The following EFHC1 variants were observed in gnomAD, a reference collection of about 807,000 sequenced individuals.
EFHC1 encodes EF-hand domain containing 1.
EFHC1 carries 53 observed loss-of-function variants against 69.9 expected under a neutral mutation model. That is an observed-to-expected ratio of 0.76 (90% CI 0.61 to 0.95). The LOEUF is 0.95. Among genes scored for constraint, EFHC1 ranks in the 40% least tolerant of loss-of-function variants. EFHC1 has a pLI of 0.00. For missense variants in EFHC1, 739 were observed against 798.7 expected (o/e 0.93, Z 0.90); for synonymous variants, 256 against 278.4 (o/e 0.92, Z 0.80).
At chr6:52,438,855 TA>T (rs1184881213) in intron 3 of EFHC1, among the ~76,000 whole-genome samples, 2 of 152,178 alleles carry the variant, frequency 1.3e-5, no homozygotes, top group Non-Finnish European at 2.9e-5. Flanking sequence ...GAAACCAGGT[TA>T]AAATGGCAGT....
intron 7 of EFHC1, among the ~76,000 whole-genome samples, chr6:52,469,721 C>T (rs1013688315): frequency 6.6e-6 from 1 of 152,196 alleles, no homozygotes; most frequent in African/African-American, 2.4e-5. Context: ...CTCACTCTTA[C>T]ACCTCAAATG....
At chr6:52,464,567 A>AG (rs1765252329) in intron 5 of EFHC1, among the ~76,000 whole-genome samples, 2 of 152,206 alleles carry the variant, frequency 1.3e-5, no homozygotes, top group Non-Finnish European at 2.9e-5. Flanking sequence ...TAGACCTAGG[A>AG]CTTTATACTT....
chr6:52,475,294 A>G (rs559153427), intron 7 of EFHC1, among the ~76,000 whole-genome samples: 1 of 152,198 alleles, frequency 6.6e-6, no homozygotes, highest in Non-Finnish European at 1.5e-5. Context: ...AAGAAAATAT[A>G]TGGAAATTCA....
rs1765613987 is a variant in EFHC1, at chr6:52,479,190, A to G, written c.1432A>G (p.Thr478Ala). 1.2e-6 allele frequency: 2 copies of G among 1,614,122 alleles called. No individual in the cohort carries two copies. Among genetic ancestry groups the G allele is most frequent in the Admixed American group, 1.7e-5 (1 of 60,020 alleles). The change falls in exon 8 of 11, where the codon ACA (threonine) becomes GCA (alanine). Residue 478 changes from threonine to alanine, a missense_variant. By Grantham distance (58) the Thr-to-Ala change is moderately conservative. Transcript: ENST00000371068. ...GRTKVVKPYSTVDNPVYYGPS... is the reference protein window; with the variant it reads ...GRTKVVKPYSAVDNPVYYGPS... Reference sequence around the variant, plus strand: ...GACTAAAGTTGTTAAACCATACTCTACAGTGGACAACCCTGTCTACTATGG... The same window carrying G: ...GACTAAAGTTGTTAAACCATACTCTGCAGTGGACAACCCTGTCTACTATGG...
intron 2 of EFHC1, among the ~76,000 whole-genome samples, chr6:52,436,804 G>C (rs918996637): frequency 6.6e-6 from 1 of 152,050 alleles, no homozygotes; most frequent in African/African-American, 2.4e-5. Flanking sequence ...ACCAAGCCTG[G>C]CTAATTTTTG....
chr6:52,481,504 A>ATCTCTCTCTCTCTCTCTCTC (rs60540358), intron 9 of EFHC1: 24 of 143,658 alleles, frequency 1.7e-4, no homozygotes, highest in East Asian at 1.2e-3. Flanking sequence ...AGACTGCATG[A>ATCTCTCTCTCTCTCTCTCTC]TCTCTCTCTC....
intron 5 of EFHC1, among the ~76,000 whole-genome samples, chr6:52,459,108 C>CT (rs1379281502): frequency 6.6e-6 from 1 of 152,188 alleles, no homozygotes; most frequent in Non-Finnish European, 1.5e-5. Context: ...GAAGAACTAC[C>CT]TATCAGGTAC....
chr6:52,457,464 C>G (rs1485095837), intron 5 of EFHC1, among the ~76,000 whole-genome samples: 1 of 152,046 alleles, frequency 6.6e-6, no homozygotes, highest in Non-Finnish European at 1.5e-5. Context: ...GGTGGCTAGG[C>G]AGAGAGTTTG....
intron 6 of EFHC1, 147 bp downstream of exon 6, chr6:52,465,262 A>G (rs1765277519): frequency 1.4e-6 from 1 of 707,350 alleles, no homozygotes; most frequent in African/African-American, 1.8e-5. Context: ...AATACAAATG[A>G]CAAAAAAATT....
Position 52,495,873 on chromosome 6 carries a change from A to G in EFHC1, c.*3532A>G, listed in dbSNP as rs1182827714. ...ATCTGACAGCACCAACACAAGGTAT[A>G]AAAGAGATTTCATGAAAGACCAAAG... On this transcript the variant is annotated 3_prime_UTR_variant, in exon 11 of 11. Coordinates refer to ENST00000371068, the MANE Select transcript of EFHC1 (RefSeq NM_018100.4). 2 of 313,658 alleles carry G rather than the reference A, an allele frequency of 6.4e-6. No homozygotes were observed. Among genetic ancestry groups the G allele is most frequent in the Non-Finnish European group, 1.2e-5 (2 of 160,900 alleles). The allele number at this position is 313,658 out of a possible 1,614,324, so 19.4% of individuals were successfully genotyped here.
intron 9 of EFHC1, chr6:52,487,983 A>G (rs1765821549): frequency 6.6e-6 from 1 of 152,264 alleles, no homozygotes; most frequent in Admixed American, 6.5e-5. Context: ...TTCCTTAAAC[A>G]GTACCACCTA....
intron 3 of EFHC1, among the ~76,000 whole-genome samples, chr6:52,444,253 C>T (rs574549312): frequency 8.7e-4 from 132 of 152,184 alleles, no homozygotes; most frequent in Middle Eastern, 3.2e-3. Context: ...ATTTGACTTC[C>T]TCTTTTCCTA....
At chr6:52,485,673 C>G (rs991407833) in intron 9 of EFHC1, 5 of 152,182 alleles carry the variant, frequency 3.3e-5, no homozygotes, top group African/African-American at 1.2e-4. Context: ...CTGGCACCAC[C>G]TACTCTCTCT....
intron 7 of EFHC1, among the ~76,000 whole-genome samples, chr6:52,477,178 A>G (rs1354099672): frequency 6.6e-6 from 1 of 152,012 alleles, no homozygotes; most frequent in African/African-American, 2.4e-5. Context: ...AATTCTTTGA[A>G]GGTTTGAGAG....
intron 3 of EFHC1, among the ~76,000 whole-genome samples, chr6:52,451,752 C>T (rs1273266184): frequency 6.6e-6 from 1 of 152,208 alleles, no homozygotes; most frequent in Non-Finnish European, 1.5e-5. Context: ...TGCTTTCTCA[C>T]TGTCCCTTTC....
At chr6:52,468,684 A>G (rs1282618379) in intron 6 of EFHC1, 2 of 153,648 alleles carry the variant, frequency 1.3e-5, no homozygotes, top group African/African-American at 4.8e-5. Flanking sequence ...CTTAGCATGT[A>G]GGCCGTCAGC....
intron 9 of EFHC1, chr6:52,486,726 A>G (rs963710169): frequency 1.3e-5 from 2 of 152,132 alleles, no homozygotes; most frequent in African/African-American, 2.4e-5. Flanking sequence ...TTCTTTTGTC[A>G]GAGATAAGTA....
Position 52,493,031 on chromosome 6 carries a change from C to T in EFHC1, c.*690C>T, listed in dbSNP as rs1474390810. 4.4e-6 allele frequency: 2 copies of T among 453,908 alleles called. No homozygotes were observed. The highest frequency in any genetic ancestry group is 2.4e-5 in the Admixed American group (1 of 42,548). The allele number at this position is 453,908 out of a possible 1,614,324, so 28.1% of individuals were successfully genotyped here. On this transcript the variant is annotated 3_prime_UTR_variant, in exon 11 of 11. Transcript: ENST00000371068. ...CCTCCCTAATGTGGGTGGGCCTCCT[C>T]CAATCATTTGAAGACATGAGTAGAA... is the stretch of plus-strand genomic sequence containing the variant.
intron 9 of EFHC1, 138 bp from the exon 10 acceptor site, chr6:52,490,002 G>C: frequency 1.2e-6 from 1 of 802,942 alleles, no homozygotes; most frequent in African/African-American, 1.7e-5. Flanking sequence ...GTGGGCAAGT[G>C]TTCAGTTATT....
Sources: gnomAD v4.1 joint callset for allele counts (sites outside exome capture counted in the v4.1 genomes callset) on GRCh38, gnomAD v4.1.1 for gene constraint, MANE v1.5 for transcripts, NCBI Gene and HGNC (gene_info 2026-07-23, HGNC 2026-07-21) for gene names.